Variants in MAPK4 observed in about 807,000 individuals in gnomAD.
MAPK4 encodes mitogen-activated protein kinase 4.
MAPK4 carries 22 observed loss-of-function variants against 47.7 expected under a neutral mutation model. The ratio of observed to expected loss-of-function variants is 0.46; its 90% confidence interval spans 0.33 to 0.66. MAPK4 has a LOEUF of 0.66. MAPK4 is among the 30% of genes least tolerant of loss of function. The probability of loss-of-function intolerance (pLI) is 0.02; values close to 1 mark genes in which losing one functional copy is unlikely to be tolerated. For missense variants in MAPK4, 736 were observed against 831.7 expected (o/e 0.88, Z 1.42); for synonymous variants, 390 against 365.7 (o/e 1.07, Z -0.76).
intron 2 of MAPK4, among the ~76,000 whole-genome samples, chr18:50,675,192 G>A (rs1409042300): frequency 6.6e-6 from 1 of 152,200 alleles, no homozygotes; most frequent in African/African-American, 2.4e-5. Flanking sequence ...AAAGCCCAGT[G>A]GCAGCTCAGA....
At chr18:50,668,835 G>T (rs1297276148) in intron 2 of MAPK4, among the ~76,000 whole-genome samples, 2 of 152,210 alleles carry the variant, frequency 1.3e-5, no homozygotes, top group East Asian at 1.9e-4. Flanking sequence ...ACAATGAGTG[G>T]CTGAGCCTGG....
intron 1 of MAPK4, among the ~76,000 whole-genome samples, chr18:50,590,802 T>C (rs1444079191): frequency 6.6e-6 from 1 of 152,166 alleles, no homozygotes; most frequent in African/African-American, 2.4e-5. Context: ...ACATAATTAC[T>C]ATGTCCCTTT....
At chr18:50,728,331 T>G (rs1217885876) in intron 5 of MAPK4, among the ~76,000 whole-genome samples, 1 of 152,224 alleles carries the variant, frequency 6.6e-6, no homozygotes, top group Non-Finnish European at 1.5e-5. Context: ...TCTCCATGGC[T>G]GCAGAGCAGT....
chr18:50,706,195 C>G (rs1910043599), intron 2 of MAPK4: 1 of 152,132 alleles, frequency 6.6e-6, no homozygotes, highest in African/African-American at 2.4e-5. Flanking sequence ...TGGGGAAAAC[C>G]TCTGCGGCTA....
In MAPK4 at chr18:50,678,591, G is replaced by A; in HGVS notation, c.546+14087G>A. ...TTCAGGCACTCAGAGCAGCAACTGA[G>A]AGGTCTGCCCTGGCACAGTCACTTT... On this transcript the variant is annotated intron_variant, in intron 2 of 5. Transcript: ENST00000400384. The surrounding 1 kb of genome is among the most constrained non-coding windows in gnomAD (Gnocchi z 4.2). Among the ~76,000 whole-genome samples the A allele has an allele frequency of 6.6e-6, 1 of 152,218 alleles. No individual in the cohort carries two copies. The highest frequency in any genetic ancestry group is 1.5e-5 in the Non-Finnish European group (1 of 68,036).
At chr18:50,579,107 G>C (rs1302931091) in intron 1 of MAPK4, among the ~76,000 whole-genome samples, 2 of 152,292 alleles carry the variant, frequency 1.3e-5, no homozygotes, top group African/African-American at 4.8e-5. Flanking sequence ...CTGAAGGCAA[G>C]GAAAGTCTTT....
At chr18:50,673,013 A>C (rs1402770867) in intron 2 of MAPK4, among the ~76,000 whole-genome samples, 2 of 152,200 alleles carry the variant, frequency 1.3e-5, no homozygotes, top group Admixed American at 1.3e-4. Flanking sequence ...ATAGTGGCTC[A>C]CGCCTGTAAT....
At chr18:50,588,285 G>C (rs1304475298) in intron 1 of MAPK4, among the ~76,000 whole-genome samples, 1 of 152,172 alleles carries the variant, frequency 6.6e-6, no homozygotes, top group African/African-American at 2.4e-5. Flanking sequence ...GACCGAGAAG[G>C]CTTTGCTGTC....
At chr18:50,599,167 A>G (rs1386384276) in intron 1 of MAPK4, among the ~76,000 whole-genome samples, 1 of 152,176 alleles carries the variant, frequency 6.6e-6, no homozygotes, top group Non-Finnish European at 1.5e-5. Flanking sequence ...GCCTCTCCAT[A>G]CAGCACCACT....
At chr18:50,596,739 G>C (rs918778343) in intron 1 of MAPK4, among the ~76,000 whole-genome samples, 1 of 152,212 alleles carries the variant, frequency 6.6e-6, no homozygotes, top group Non-Finnish European at 1.5e-5. Context: ...CCAAAAGGAA[G>C]AGAAACTTGG....
At chr18:50,695,338 T>TAAAA (rs59857315) in intron 2 of MAPK4, among the ~76,000 whole-genome samples, 2 of 84,690 alleles carry the variant, frequency 2.4e-5, no homozygotes, top group African/African-American at 4.5e-5. Flanking sequence ...GGCTCCATCT[T>TAAAA]AAAAAAAAAA....
intron 2 of MAPK4, among the ~76,000 whole-genome samples, chr18:50,676,753 G>A (rs542718242): frequency 2.6e-5 from 4 of 152,186 alleles, no homozygotes; most frequent in Non-Finnish European, 5.9e-5. Flanking sequence ...ATTGTTACAC[G>A]AGTATGTTCT....
At chr18:50,725,050 T>C (rs1022119925) in intron 4 of MAPK4, among the ~76,000 whole-genome samples, 4 of 152,206 alleles carry the variant, frequency 2.6e-5, no homozygotes, top group Non-Finnish European at 5.9e-5. Flanking sequence ...TGTGCAGAGC[T>C]GCTATCTGCT....
chr18:50,565,443 G>A (rs1400711617), intron 1 of MAPK4, among the ~76,000 whole-genome samples: 1 of 152,140 alleles, frequency 6.6e-6, no homozygotes, highest in Non-Finnish European at 1.5e-5. Context: ...TCACTCTAAT[G>A]GTATTTGAAG....
chr18:50,666,919 A>G (rs1008702852), intron 2 of MAPK4, among the ~76,000 whole-genome samples: 1 of 152,210 alleles, frequency 6.6e-6, no homozygotes, highest in African/African-American at 2.4e-5. Context: ...AATCCCCATA[A>G]TGCTGTGAAG....
chr18:50,716,736 C>G (rs1356616636), intron 3 of MAPK4, among the ~76,000 whole-genome samples: 3 of 152,132 alleles, frequency 2.0e-5, no homozygotes, highest in African/African-American at 7.2e-5. Context: ...TCCTCCTAAC[C>G]ATGCTGTCTT....
At chr18:50,623,021 G>A (rs1014413333) in intron 1 of MAPK4, among the ~76,000 whole-genome samples, 8 of 152,318 alleles carry the variant, frequency 5.3e-5, no homozygotes, top group Middle Eastern at 3.4e-3. Flanking sequence ...ACATGTGGAC[G>A]CAACTGTTAG....
intron 1 of MAPK4, among the ~76,000 whole-genome samples, chr18:50,635,392 A>G (rs2042876234): frequency 6.6e-6 from 1 of 152,028 alleles, no homozygotes; most frequent in South Asian, 2.1e-4. Context: ...TCTCTCTCAT[A>G]TCTATGCATT....
rs546057399 is a variant in MAPK4, at chr18:50,577,391, A to G, written c.-871+17148A>G. ...AGACATCAGTTTTATTTAAAACCCC[A>G]AATTAGGTGCATGTTAGAATCATCT... On this transcript the variant is annotated intron_variant, in intron 1 of 5. Coordinates refer to ENST00000400384, the MANE Select transcript of MAPK4 (RefSeq NM_002747.4). Among the ~76,000 whole-genome samples the G allele has an allele frequency of 2.0e-5, 3 of 152,296 alleles. No individual in the cohort carries two copies. In the South Asian group the frequency reaches 6.2e-4, roughly 32 times the overall value.
Sources: allele counts gnomAD v4.1 joint callset (sites outside exome capture counted in the v4.1 genomes callset), GRCh38; gene constraint gnomAD v4.1.1; non-coding constraint Gnocchi (gnomAD v3.1); transcripts MANE v1.5; gene names NCBI Gene and HGNC (gene_info 2026-07-23, HGNC 2026-07-21).